Variants in UNC79 observed in about 807,000 individuals in gnomAD.
UNC79 encodes the protein unc-79 subunit of NALCN channel complex.
A neutral mutation model predicts 283.1 loss-of-function variants in UNC79; 37 were observed. The ratio of observed to expected loss-of-function variants is 0.13; its 90% CI spans 0.10 to 0.17. The LOEUF (loss-of-function observed/expected upper bound fraction) is 0.17, where lower values mean the gene tolerates loss of function less well. Ranked by LOEUF, UNC79 falls within the 10% of genes least tolerant of loss-of-function variation. UNC79 has a pLI of 1.00. For missense variants in UNC79, 2,272 were observed against 3,211.1 expected (o/e 0.71, Z 7.07); for synonymous variants, 1,107 against 1,200.2 (o/e 0.92, Z 1.61).
At chr14:93,394,777 T>A (rs1438988534) in intron 1 of UNC79, among the ~76,000 whole-genome samples, 1 of 152,210 alleles carries the variant, frequency 6.6e-6, no homozygotes, top group Non-Finnish European at 1.5e-5. Context: ...AGTGGCATGA[T>A]CATAGCTCAC....
chr14:93,515,264 ATGTGTG>A (rs3060596), intron 7 of UNC79, among the ~76,000 whole-genome samples: 18 of 149,648 alleles, frequency 1.2e-4, no homozygotes, highest in African/African-American at 3.7e-4. Context: ...CCATATGTAT[ATGTGTG>A]TGTGTGTGTG....
At chr14:93,674,070 G>A (rs2073125316) in intron 41 of UNC79, among the ~76,000 whole-genome samples, 1 of 152,108 alleles carries the variant, frequency 6.6e-6, no homozygotes, top group Non-Finnish European at 1.5e-5. Flanking sequence ...CTTCTACCCT[G>A]CTGTCCTTAA....
At chr14:93,600,794 G>A in intron 25 of UNC79, 24 bp downstream of exon 25, 1 of 1,606,498 alleles carries the variant, frequency 6.2e-7, no homozygotes, top group South Asian at 1.1e-5. Context: ...AGAACTTGCT[G>A]TAAACCGTTG....
chr14:93,643,180 A>G (rs546300057), intron 33 of UNC79, among the ~76,000 whole-genome samples: 7 of 152,202 alleles, frequency 4.6e-5, no homozygotes, highest in Non-Finnish European at 8.8e-5. Flanking sequence ...AACAAATTAA[A>G]AACAAATCTA....
At chr14:93,374,781 A>C (rs928827783) in intron 1 of UNC79, among the ~76,000 whole-genome samples, 2 of 152,188 alleles carry the variant, frequency 1.3e-5, no homozygotes, top group Non-Finnish European at 2.9e-5. Flanking sequence ...TCCTGGGTTC[A>C]AGTGATCCTT....
intron 45 of UNC79, 140 bp from the exon 49 acceptor site, chr14:93,691,609 A>G (rs1328813943): frequency 2.4e-6 from 2 of 823,334 alleles, no homozygotes; most frequent in Non-Finnish European, 4.0e-6. Flanking sequence ...ATGAATCATG[A>G]CTTTGTAACT....
At chr14:93,462,921 AAC>A in intron 1 of UNC79, among the ~76,000 whole-genome samples, 1 of 152,270 alleles carries the variant, frequency 6.6e-6, no homozygotes, top group East Asian at 1.9e-4. Flanking sequence ...TGTTATTCAC[AAC>A]AGCTACCCAC....
chr14:93,701,644 A>G (rs996441780), intron 47 of UNC79, among the ~76,000 whole-genome samples: 2 of 152,202 alleles, frequency 1.3e-5, no homozygotes, highest in Non-Finnish European at 2.9e-5. Flanking sequence ...ACCACTAGCA[A>G]AAGAGAATGA....
At chr14:93,352,270 C>G (rs1002394349) in intron 1 of UNC79, among the ~76,000 whole-genome samples, 3 of 152,126 alleles carry the variant, frequency 2.0e-5, no homozygotes, top group Non-Finnish European at 4.4e-5. Flanking sequence ...CTTTTGCTGC[C>G]AATTTTGAAC....
rs114793795 is a variant in UNC79, at chr14:93,598,831, A to G, written c.3372+1291A>G. The stretch of plus-strand genomic sequence containing the variant: ...GCCACCACTGCGCCTGGCCTGAATT[A>G]TAGTTTTAATCAAAGTAAAACATGA... On this transcript the variant is annotated intron_variant, in intron 24 of 48. Coordinates refer to ENST00000555664, the Ensembl canonical transcript of UNC79. 5.2e-3 allele frequency among the ~76,000 whole-genome samples: 786 copies of G among 152,320 alleles called. 5 individuals are homozygous for G. The highest frequency in any genetic ancestry group is 0.017 in the African/African-American group (714 of 41,572).
At chr14:93,493,813 C>T (rs1172093566) in intron 5 of UNC79, among the ~76,000 whole-genome samples, 1 of 142,766 alleles carries the variant, frequency 7.0e-6, no homozygotes, top group African/African-American at 2.6e-5. Flanking sequence ...TGGTAGAAGG[C>T]AAAGGGGAAG....
At chr14:93,397,815 T>C (rs1397971361) in intron 1 of UNC79, among the ~76,000 whole-genome samples, 3 of 148,934 alleles carry the variant, frequency 2.0e-5, no homozygotes, top group Admixed American at 6.8e-5. Flanking sequence ...TTCCAGCTAC[T>C]TGGGAGACTG....
rs2063232376 is a variant in UNC79 at position 93,572,029 on chromosome 14, G to A, written c.1891G>A (p.Ala631Thr). The change falls in exon 15 of 49, where the codon GCC becomes ACC. Residue 631 changes from alanine (A) to threonine (T), a missense_variant. Ala to Thr is a moderately conservative substitution (Grantham distance 58, BLOSUM62 0). This residue lies in a region of UNC79 where 356 missense variants were observed against 416.2 expected (regional missense o/e 0.86). Coordinates refer to ENST00000555664, the Ensembl canonical transcript of UNC79. The stretch of plus-strand genomic sequence containing the variant: ...GTGTATTATGCCGGAATGGCTGGAA[G>A]CCATCAGAACAGAAGTCCCAGATAA... The A allele has an allele frequency of 3.7e-6, 6 of 1,614,226 alleles. No homozygotes were observed. The highest frequency in any genetic ancestry group is 3.3e-5 in the South Asian group (3 of 91,078).
rs2067113099 is a variant in UNC79, at chr14:93,621,296, C to T, written c.4388-325C>T. 1.3e-5 allele frequency among the ~76,000 whole-genome samples: 2 copies of T among 152,246 alleles called. No homozygotes were observed. Among genetic ancestry groups the T allele is most frequent in the Admixed American group, 6.5e-5 (1 of 15,286 alleles). ...GCAAAATGTTTGCTTCTCTTCCACA[C>T]GATTTGAATACAGTTTCCTAGATCT... On this transcript the variant is annotated intron_variant, in intron 29 of 48. Coordinates refer to ENST00000555664, the Ensembl canonical transcript of UNC79. The surrounding 1 kb of genome is among the most constrained non-coding windows in gnomAD (Gnocchi z 4.8).
At chr14:93,365,431 A>G (rs891977956) in intron 1 of UNC79, among the ~76,000 whole-genome samples, 1 of 152,010 alleles carries the variant, frequency 6.6e-6, no homozygotes, top group African/African-American at 2.4e-5. Flanking sequence ...AATTTCACCA[A>G]ATACTTGAGG....
intron 41 of UNC79, among the ~76,000 whole-genome samples, chr14:93,674,833 G>T (rs1193890198): frequency 6.6e-6 from 1 of 152,208 alleles, no homozygotes; most frequent in African/African-American, 2.4e-5. Context: ...CAAGACCACG[G>T]TGCTGGCCTA....
intron 20 of UNC79, among the ~76,000 whole-genome samples, chr14:93,583,937 C>T (rs916119485): frequency 2.6e-5 from 4 of 151,934 alleles, no homozygotes; most frequent in African/African-American, 4.8e-5. Context: ...TCCAGAGTAG[C>T]TGGGACCACA....
intron 48 of UNC79, 87 bp downstream of exon 51, chr14:93,704,753 A>G: frequency 5.3e-6 from 8 of 1,503,412 alleles, no homozygotes; most frequent in Middle Eastern, 1.8e-4. Context: ...TCCATTTACT[A>G]TGGAGAAGGA....
intron 1 of UNC79, among the ~76,000 whole-genome samples, chr14:93,386,976 C>CTTT (rs2054791175): frequency 1.1e-5 from 1 of 90,286 alleles, no homozygotes; most frequent in African/African-American, 4.5e-5. Flanking sequence ...GAGTTTTGCT[C>CTTT]TTCTTGCCCA....
Sources: allele counts gnomAD v4.1 joint callset (sites outside exome capture counted in the v4.1 genomes callset), GRCh38; gene constraint gnomAD v4.1.1; regional missense constraint gnomAD v4.1.1; non-coding constraint Gnocchi (gnomAD v3.1); transcripts MANE v1.5; gene names NCBI Gene and HGNC (gene_info 2026-07-23, HGNC 2026-07-21).